ATP11A: variants seen among roughly 807,000 people sequenced by gnomAD.
ATP11A encodes phospholipid-transporting ATPase IH.
Under a neutral mutation model 154.4 loss-of-function variants are expected in ATP11A, and 81 were observed. The ratio of observed to expected loss-of-function variants is 0.52; its 90% CI spans 0.44 to 0.63. The LOEUF is 0.63. Ranked by LOEUF, ATP11A falls within the 30% of genes least tolerant of loss-of-function variation. The probability of loss-of-function intolerance (pLI) is 0.00; values close to 1 mark genes in which losing one functional copy is unlikely to be tolerated. For synonymous variants in ATP11A, 623 were observed against 585.9 expected, an observed-to-expected ratio of 1.06 and a Z score of -0.91; for missense variants, 1,316 against 1,474.3, an observed-to-expected ratio of 0.89 and a Z score of 1.76.
chr13:112,716,059 G>A (rs545368741), intron 1 of ATP11A, among the ~76,000 whole-genome samples: 1 of 151,844 alleles, frequency 6.6e-6, no homozygotes, highest in Non-Finnish European at 1.5e-5. Context: ...CCTGGACTTT[G>A]AGAATTGGAG....
At position 112,726,153 on chromosome 13, in the gene ATP11A, G is replaced by A. The variant is rs542751806; in HGVS notation, c.39+35698G>A. Among the ~76,000 whole-genome samples, 7 of 152,352 alleles carry A rather than the reference G, an allele frequency of 4.6e-5. No individual in the cohort carries two copies. The South Asian group carries it at 6.2e-4, about 14-fold the overall frequency. ...ATGCCGGGGATGGGGCACGGCGTGC[G>A]TGCAGGGAGAGGGGCCAGGGGGCAC... On this transcript the variant is annotated intron_variant, in intron 1 of 29. Transcript: ENST00000375645.
At chr13:112,786,954 T>G (rs976943859) in intron 2 of ATP11A, among the ~76,000 whole-genome samples, 2 of 151,062 alleles carry the variant, frequency 1.3e-5, no homozygotes, top group Non-Finnish European at 1.5e-5. Flanking sequence ...GAGACCTACT[T>G]AATTCACACC....
At chr13:112,735,840 T>G (rs142955051) in intron 1 of ATP11A, among the ~76,000 whole-genome samples, 1 of 152,360 alleles carries the variant, frequency 6.6e-6, no homozygotes, top group Non-Finnish European at 1.5e-5. Context: ...GTCGCTAAGT[T>G]GGGCTCAGCA....
chr13:112,727,081 T>C (rs1411305422), intron 1 of ATP11A, among the ~76,000 whole-genome samples: 2 of 152,214 alleles, frequency 1.3e-5, no homozygotes, highest in African/African-American at 4.8e-5. Flanking sequence ...AGATTGTTGC[T>C]CTGTCGCCCA....
chr13:112,760,400 G>A (rs1427450655), intron 1 of ATP11A, among the ~76,000 whole-genome samples: 1 of 152,124 alleles, frequency 6.6e-6, no homozygotes, highest in Non-Finnish European at 1.5e-5. Flanking sequence ...TACCCATTTG[G>A]GTGAGGACTA....
intron 1 of ATP11A, among the ~76,000 whole-genome samples, chr13:112,692,490 A>G (rs935162647): frequency 6.6e-5 from 10 of 152,170 alleles, no homozygotes; most frequent in African/African-American, 1.9e-4. Context: ...TTTCTGTTAT[A>G]TAGATCTATA....
intron 3 of ATP11A, 99 bp from the exon 4 acceptor site, chr13:112,806,114 T>C: frequency 1.2e-6 from 1 of 825,822 alleles, no homozygotes; most frequent in Admixed American, 2.1e-5. Flanking sequence ...TTTAAATAAG[T>C]CAAAGCGAAT....
chr13:112,766,025 C>T (rs7331609), intron 1 of ATP11A, among the ~76,000 whole-genome samples: 14,701 of 152,226 alleles, frequency 0.097, 815 homozygotes, highest in African/African-American at 0.14. Flanking sequence ...CGGTCGGGGG[C>T]GGATCCCCCT....
intron 1 of ATP11A, among the ~76,000 whole-genome samples, chr13:112,713,555 T>C (rs535675134): frequency 6.6e-6 from 1 of 152,314 alleles, no homozygotes; most frequent in South Asian, 2.1e-4. Flanking sequence ...GATAGTTTTG[T>C]AGTATTTGTT....
chr13:112,787,491 GGGTGTCCTGATGCGTAGACTCCTGTGGAT>G, intron 2 of ATP11A, among the ~76,000 whole-genome samples: 1 of 98,616 alleles, frequency 1.0e-5, no homozygotes, highest in Non-Finnish European at 1.9e-5. Context: ...AATTCACACC[GGGTGTCCTGATGCGTAGACTCCTGTGGAT>G]ACCTACTTAA....
chr13:112,824,376 A>G lies in ATP11A; in HGVS notation c.823A>G (p.Met275Val). 2 of 1,614,214 alleles carry G rather than the reference A, an allele frequency of 1.2e-6. No homozygotes were observed. Among genetic ancestry groups the G allele is most frequent in the Non-Finnish European group, 1.7e-6 (2 of 1,180,032 alleles). The change falls in exon 10 of 30, where the codon ATG becomes GTG. Residue 275 changes from methionine (M) to valine (V), a missense_variant. Met to Val is a conservative substitution (Grantham distance 21, BLOSUM62 1). Around this residue, in one of 5 missense-constraint regions of ATP11A, gnomAD observed 876 missense variants for 1,006.8 expected, o/e 0.87. Coordinates refer to ENST00000375645, the MANE Select transcript of ATP11A (RefSeq NM_015205.3). ...VAIYTGMETKMALNYQSKSQK... is the reference protein window; with the variant it reads ...VAIYTGMETKVALNYQSKSQK... ...TATTTACACGGGAATGGAAACCAAG[A>G]TGGCATTAAATTATCAATCAAAATC...
At chr13:112,834,227 C>T (rs2079172114) in intron 14 of ATP11A, among the ~76,000 whole-genome samples, 1 of 152,246 alleles carries the variant, frequency 6.6e-6, no homozygotes. Flanking sequence ...GCATCGTGTT[C>T]TCCGCTCAAC....
intron 29 of ATP11A, among the ~76,000 whole-genome samples, chr13:112,879,367 G>T (rs1358167358): frequency 2.0e-5 from 3 of 152,180 alleles, no homozygotes; most frequent in Admixed American, 1.3e-4. Flanking sequence ...ATCAGAATTT[G>T]TTAGATTAAA....
intron 1 of ATP11A, among the ~76,000 whole-genome samples, chr13:112,703,581 T>C (rs1029703187): frequency 2.0e-5 from 3 of 152,228 alleles, no homozygotes; most frequent in African/African-American, 7.2e-5. Context: ...CCACGAAGTC[T>C]GGAAAGACAG....
At chr13:112,731,282 T>C (rs569479262) in intron 1 of ATP11A, among the ~76,000 whole-genome samples, 1 of 152,300 alleles carries the variant, frequency 6.6e-6, no homozygotes, top group South Asian at 2.1e-4. Flanking sequence ...TATACAGTCT[T>C]TCTTAGATAA....
intron 11 of ATP11A, 28 bp downstream of exon 11, chr13:112,825,608 T>G (rs746624096): frequency 1.3e-6 from 2 of 1,590,582 alleles, no homozygotes; most frequent in South Asian, 2.3e-5. Context: ...CCTTGTATGA[T>G]CCGAGGTGAC....
chr13:112,708,035 C>T (rs749154221), intron 1 of ATP11A, among the ~76,000 whole-genome samples: 1 of 152,184 alleles, frequency 6.6e-6, no homozygotes, highest in Non-Finnish European at 1.5e-5. Context: ...TGACAAAGCC[C>T]AACCGCACGT....
At chr13:112,734,290 G>A (rs1434075423) in intron 1 of ATP11A, among the ~76,000 whole-genome samples, 1 of 152,030 alleles carries the variant, frequency 6.6e-6, no homozygotes, top group African/African-American at 2.4e-5. Context: ...GGGGGTGAGG[G>A]GCAGGGAAAG....
Position 112,785,004 on chromosome 13 carries a change from G to A in ATP11A, c.40-131G>A. The A allele has an allele frequency of 8.2e-7, 1 of 1,214,394 alleles. No individual in the cohort carries two copies. The highest frequency in any genetic ancestry group is 2.4e-5 in the South Asian group (1 of 41,550). The allele number at this position is 1,214,394 out of a possible 1,614,324, so 75.2% of individuals were successfully genotyped here. Reference sequence around the variant, plus strand: ...GTGCTGGGCCCCAGGTCTCCCTGCAGCCCTGAACGATGCTCTCAGCAGCAG... The same window carrying A: ...GTGCTGGGCCCCAGGTCTCCCTGCAACCCTGAACGATGCTCTCAGCAGCAG... On this transcript the variant is annotated intron_variant, in intron 1 of 29. Coordinates refer to ENST00000375645, the MANE Select transcript of ATP11A (RefSeq NM_015205.3). This position sits in a 1 kb window ranked among gnomAD's most constrained non-coding sequence, Gnocchi z 4.8.
Sources: allele counts gnomAD v4.1 joint callset (sites outside exome capture counted in the v4.1 genomes callset), GRCh38; gene constraint gnomAD v4.1.1; regional missense constraint gnomAD v4.1.1; non-coding constraint Gnocchi (gnomAD v3.1); transcripts MANE v1.5; gene names NCBI Gene and HGNC (gene_info 2026-07-23, HGNC 2026-07-21).